ZNF804A: variants seen among roughly 807,000 people sequenced by gnomAD.
The protein encoded by ZNF804A is zinc finger protein 804A.
ZNF804A carries 2 observed loss-of-function variants against 16.5 expected under a neutral mutation model. The observed-to-expected ratio is 0.12, with a 90% CI of 0.05 to 0.38. The LOEUF (loss-of-function observed/expected upper bound fraction) is 0.38. ZNF804A is among the 10% of genes least tolerant of loss of function. The pLI, the probability that ZNF804A is intolerant of heterozygous loss-of-function variation, is 0.99. For missense variants in ZNF804A, 1,473 were observed against 1,390.7 expected (o/e 1.06, Z -0.94); for synonymous variants, 534 against 489.6 (o/e 1.09, Z -1.20).
rs1316047280 is a variant in ZNF804A at position 184,751,728 on chromosome 2, G to C, written c.112-114641G>C. Among the ~76,000 whole-genome samples, 5 of 151,420 alleles carry C rather than the reference G, an allele frequency of 3.3e-5. No individual in the cohort carries two copies. In the Admixed American group the frequency reaches 3.3e-4, roughly 10 times the overall value. On this transcript the variant is annotated intron_variant, in intron 1 of 3. Coordinates refer to ENST00000302277, the MANE Select transcript of ZNF804A (RefSeq NM_194250.2). The stretch of plus-strand genomic sequence containing the variant: ...ATTGGAGAAAACATTTGCAAATTAT[G>C]CCTCTTACAAAGGACTAATATCCAG...
chr2:184,906,229 A>T (rs956843574), intron 2 of ZNF804A, among the ~76,000 whole-genome samples: 1 of 152,164 alleles, frequency 6.6e-6, no homozygotes, highest in Non-Finnish European at 1.5e-5. Flanking sequence ...ATACAATATA[A>T]TCTAAGCATT....
intron 1 of ZNF804A, among the ~76,000 whole-genome samples, chr2:184,601,845 T>C (rs1691053974): frequency 6.6e-6 from 1 of 151,944 alleles, no homozygotes; most frequent in South Asian, 2.1e-4. Context: ...TTTCTGTCAA[T>C]AGATACTTAA....
intron 1 of ZNF804A, among the ~76,000 whole-genome samples, chr2:184,673,043 G>A (rs950091037): frequency 1.3e-5 from 2 of 150,302 alleles, no homozygotes; most frequent in African/African-American, 4.9e-5. Context: ...CTCATCATAG[G>A]AAAAGCAAGA....
rs1695408467 is a variant in ZNF804A at position 184,839,852 on chromosome 2, T to C, written c.112-26517T>C. ...TTTTTGATTAATTAACATTTATCAG[T>C]TCTCAATAAATCTCTTTTAAAGGTG... On this transcript the variant is annotated intron_variant, in intron 1 of 3. Coordinates refer to ENST00000302277, the MANE Select transcript of ZNF804A (RefSeq NM_194250.2). Among the ~76,000 whole-genome samples the C allele has an allele frequency of 2.0e-5, 3 of 152,116 alleles. No homozygotes were observed. In the South Asian group the frequency reaches 6.2e-4, roughly 32 times the overall value.
chr2:184,905,802 G>GT (rs1685263232), intron 2 of ZNF804A, among the ~76,000 whole-genome samples: 1 of 152,106 alleles, frequency 6.6e-6, no homozygotes, highest in South Asian at 2.1e-4. Context: ...GAAGGCCTTT[G>GT]TTTTTCTGGA....
intron 2 of ZNF804A, among the ~76,000 whole-genome samples, chr2:184,928,763 T>C (rs866119466): frequency 1.1e-4 from 17 of 152,162 alleles, no homozygotes; most frequent in Non-Finnish European, 1.5e-4. Context: ...ACTACCTCCA[T>C]AGGTGAGCAT....
At chr2:184,771,027 G>T (rs1397254866) in intron 1 of ZNF804A, among the ~76,000 whole-genome samples, 1 of 151,798 alleles carries the variant, frequency 6.6e-6, no homozygotes, top group Non-Finnish European at 1.5e-5. Flanking sequence ...ACAACAAAAT[G>T]GATAAATAAA....
At chr2:184,819,496 C>T (rs1695036927) in intron 1 of ZNF804A, among the ~76,000 whole-genome samples, 1 of 151,856 alleles carries the variant, frequency 6.6e-6, no homozygotes, top group Non-Finnish European at 1.5e-5. Context: ...AACCTAACAT[C>T]ACAACAAAAG....
chr2:184,654,171 G>T lies in ZNF804A; in HGVS notation c.111+55101G>T, dbSNP rs529378991. On this transcript the variant is annotated intron_variant, in intron 1 of 3. Transcript: ENST00000302277. ...GATACAGCCTATATCTTCAGCTTTT[G>T]CTATAGCCCGGTTCTGATGCCATCA... is the stretch of plus-strand genomic sequence containing the variant. 8.5e-5 allele frequency among the ~76,000 whole-genome samples: 13 copies of T among 152,302 alleles called. No individual in the cohort carries two copies. The South Asian group carries it at 1.9e-3, about 22-fold the overall frequency.
chr2:184,729,750 G>C (rs1574184025), intron 1 of ZNF804A, among the ~76,000 whole-genome samples: 1 of 152,054 alleles, frequency 6.6e-6, no homozygotes, highest in African/African-American at 2.4e-5. Context: ...TATTACTATA[G>C]TGTCTAGATA....
intron 1 of ZNF804A, among the ~76,000 whole-genome samples, chr2:184,809,729 T>C (rs969487607): frequency 2.0e-5 from 3 of 152,008 alleles, no homozygotes; most frequent in African/African-American, 7.2e-5. Context: ...TATCCCTGTG[T>C]GTCTATATAT....
chr2:184,670,308 C>T (rs1212424022), intron 1 of ZNF804A, among the ~76,000 whole-genome samples: 1 of 151,870 alleles, frequency 6.6e-6, no homozygotes, highest in African/African-American at 2.4e-5. Context: ...AATCAGAGTA[C>T]CCCAGTTATT....
At chr2:184,816,414 T>C (rs908741732) in intron 1 of ZNF804A, among the ~76,000 whole-genome samples, 4 of 152,056 alleles carry the variant, frequency 2.6e-5, no homozygotes, top group African/African-American at 9.7e-5. Flanking sequence ...ACTTTCTCCA[T>C]TAGAGAATTT....
chr2:184,886,564 C>T (rs1438871954), intron 2 of ZNF804A, among the ~76,000 whole-genome samples: 12 of 152,234 alleles, frequency 7.9e-5, no homozygotes, highest in Non-Finnish European at 2.9e-5. Flanking sequence ...AGGGCCCTGC[C>T]CCTGTGGCAA....
intron 1 of ZNF804A, among the ~76,000 whole-genome samples, chr2:184,794,421 T>C (rs1694599144): frequency 6.6e-6 from 1 of 152,100 alleles, no homozygotes; most frequent in East Asian, 1.9e-4. Flanking sequence ...ATGGGATTGT[T>C]TCTCTTTTTT....
At chr2:184,891,404 G>C (rs909370800) in intron 2 of ZNF804A, among the ~76,000 whole-genome samples, 3 of 152,050 alleles carry the variant, frequency 2.0e-5, no homozygotes, top group African/African-American at 7.2e-5. Flanking sequence ...AATGTTGGCA[G>C]GGTGCTCTAC....
intron 1 of ZNF804A, among the ~76,000 whole-genome samples, chr2:184,651,866 G>C (rs903956845): frequency 1.3e-5 from 2 of 152,150 alleles, no homozygotes; most frequent in African/African-American, 4.8e-5. Context: ...TTCAGCTTCT[G>C]TAGAAAGCAG....
chr2:184,625,719 A>T (rs1205607728), intron 1 of ZNF804A, among the ~76,000 whole-genome samples: 4 of 152,132 alleles, frequency 2.6e-5, no homozygotes, highest in African/African-American at 9.7e-5. Context: ...TCACTAACTT[A>T]TTTTGAGTAA....
intron 1 of ZNF804A, among the ~76,000 whole-genome samples, chr2:184,862,001 C>T (rs992722305): frequency 2.6e-5 from 4 of 152,160 alleles, no homozygotes; most frequent in African/African-American, 9.7e-5. Context: ...AATGACCTGA[C>T]TCGTTGCAGG....
Sources: gnomAD v4.1 joint callset for allele counts (sites outside exome capture counted in the v4.1 genomes callset) on GRCh38, gnomAD v4.1.1 for gene constraint, MANE v1.5 for transcripts, NCBI Gene and HGNC (gene_info 2026-07-23, HGNC 2026-07-21) for gene names.